SLC41A1: variants seen among roughly 807,000 people sequenced by gnomAD.
SLC41A1 encodes the protein solute carrier family 41 member 1, also known as solute carrier family 41 (magnesium transporter), member 1.
SLC41A1 carries 20 observed loss-of-function variants against 47.3 expected under a neutral mutation model. That is an observed-to-expected ratio of 0.42 (90% CI 0.30 to 0.61). The LOEUF (loss-of-function observed/expected upper bound fraction) is 0.61. SLC41A1 is among the 20% of genes least tolerant of loss of function. The probability of loss-of-function intolerance (pLI) is 0.17; values close to 1 mark genes in which losing one functional copy is unlikely to be tolerated. For missense variants in SLC41A1, 504 were observed against 674.1 expected, an observed-to-expected ratio of 0.75 and a Z score of 2.79; for synonymous variants, 282 against 272.7, an observed-to-expected ratio of 1.03 and a Z score of -0.34.
rs371742557 is a variant in SLC41A1, at chr1:205,808,684, G to C, written c.372+1386C>G. Among the ~76,000 whole-genome samples, 59 of 152,338 alleles carry C rather than the reference G, an allele frequency of 3.9e-4. 1 individual carries two copies. In the South Asian group the frequency reaches 0.012, roughly 31 times the overall value. On this transcript the variant is annotated intron_variant, in intron 2 of 10. Coordinates refer to ENST00000367137, the MANE Select transcript of SLC41A1 (RefSeq NM_173854.6). Reference sequence around the variant, plus strand: ...GGGGGAGGAGCAGCCCCTAGCAGGAGGAACCCAAAGCTCCAGGCTGGCTTC... The same window carrying C: ...GGGGGAGGAGCAGCCCCTAGCAGGACGAACCCAAAGCTCCAGGCTGGCTTC...
At chr1:205,801,249 C>A (rs1172567526) in intron 2 of SLC41A1, 189 bp from the exon 3 acceptor site, 5 of 575,416 alleles carry the variant, frequency 8.7e-6, no homozygotes, top group East Asian at 3.1e-5. Flanking sequence ...ACACAACCCC[C>A]CTTCCTGCCA....
At chr1:205,800,593 G>A (rs1655856555) in intron 3 of SLC41A1, among the ~76,000 whole-genome samples, 1 of 152,208 alleles carries the variant, frequency 6.6e-6, no homozygotes, top group Admixed American at 6.5e-5. Context: ...AGCAGGGGCT[G>A]GAGATCAGAG....
Position 205,808,433 on chromosome 1 carries a change from G to A in SLC41A1, c.372+1637C>T, listed in dbSNP as rs140121321. 1.7e-3 allele frequency among the ~76,000 whole-genome samples: 256 copies of A among 152,236 alleles called. 2 individuals carry two copies. The highest frequency in any genetic ancestry group is 5.5e-3 in the African/African-American group (228 of 41,544). Reference sequence around the variant, plus strand: ...GATCCTACCTCATGGGCCTACCGAAGAGCCCCCCAAATGCTTCCCCACTAC... The same window carrying A: ...GATCCTACCTCATGGGCCTACCGAAAAGCCCCCCAAATGCTTCCCCACTAC... On this transcript the variant is annotated intron_variant, in intron 2 of 10. Coordinates refer to ENST00000367137, the MANE Select transcript of SLC41A1 (RefSeq NM_173854.6).
intron 2 of SLC41A1, among the ~76,000 whole-genome samples, chr1:205,807,081 GAA>G (rs1205862226): frequency 6.6e-6 from 1 of 151,928 alleles, no homozygotes; most frequent in Non-Finnish European, 1.5e-5. Flanking sequence ...TTCTCTTACT[GAA>G]GTCCATCTTA....
At chr1:205,792,964 T>A (rs905227357) in intron 10 of SLC41A1, among the ~76,000 whole-genome samples, 7 of 151,846 alleles carry the variant, frequency 4.6e-5, no homozygotes, top group African/African-American at 1.2e-4. Context: ...AATTTTAGGC[T>A]CTGCCTGAGA....
chr1:205,812,977 C>A lies in SLC41A1; in HGVS notation c.-816G>T. 1.7e-5 allele frequency: 17 copies of A among 986,036 alleles called. No individual in the cohort carries two copies. The highest frequency in any genetic ancestry group is 2.0e-5 in the Non-Finnish European group (17 of 830,416). 61.1% of individuals were successfully genotyped at this position (986,036 alleles called of 1,614,324 possible). On this transcript the variant is annotated 5_prime_UTR_variant, in exon 1 of 11. Coordinates refer to ENST00000367137, the MANE Select transcript of SLC41A1 (RefSeq NM_173854.6). ...CAAGGCGAGCGTCCAGCCGCGACAC[C>A]CGGCTCGCTACATTTCGCTTCTGCG...
chr1:205,797,080 G>A (rs1655767921), intron 7 of SLC41A1, 77 bp from the exon 8 acceptor site: 3 of 1,295,432 alleles, frequency 2.3e-6, no homozygotes, highest in South Asian at 2.5e-5. Flanking sequence ...AGAGGTCCAG[G>A]CCCACCTATC....
intron 9 of SLC41A1, 37 bp downstream of exon 9, chr1:205,795,307 T>A (rs368429091): frequency 2.5e-5 from 40 of 1,613,522 alleles, no homozygotes; most frequent in Non-Finnish European, 3.2e-5. Context: ...GTAGGCCCAC[T>A]CCCCCCAGGG....
rs1300060359 is a variant in SLC41A1, at chr1:205,791,611, C to G, written c.1464G>C (p.Leu488=). 1 of 1,614,162 alleles carries G rather than the reference C, an allele frequency of 6.2e-7. No homozygotes were observed. The highest frequency in any genetic ancestry group is 8.5e-7 in the Non-Finnish European group (1 of 1,180,028). Residue 488 remains leucine, a synonymous_variant, in exon 11 of 11, where the codon CTG becomes CTC. Transcript: ENST00000367137. The surrounding 1 kb of genome is among the most constrained non-coding windows in gnomAD (Gnocchi z 4.0). ...SIPYLTALGD[L]LGTGLLALSF... ...TGAGTGCTAGGAGCCCAGTGCCAAG[C>G]AGGTCCCCCAGAGCAGTCAAGTATG...
At chr1:205,796,647 T>C (rs946259008) in intron 8 of SLC41A1, 22 of 522,504 alleles carry the variant, frequency 4.2e-5, no homozygotes, top group African/African-American at 3.6e-4. Context: ...TATTCTGTTC[T>C]AGCAACAGAT....
Position 205,791,384 on chromosome 1 carries a change from A to G in SLC41A1, c.*149T>C. 9.6e-7 allele frequency: 1 copy of G among 1,037,268 alleles called. No homozygotes were observed. The highest frequency in any genetic ancestry group is 1.5e-6 in the Non-Finnish European group (1 of 687,222). 64.3% of individuals were successfully genotyped at this position (1,037,268 alleles called of 1,614,324 possible). On this transcript the variant is annotated 3_prime_UTR_variant, in exon 11 of 11. Transcript: ENST00000367137. This position sits in a 1 kb window ranked among gnomAD's most constrained non-coding sequence, Gnocchi z 4.0. ...GCTATACAAACTTGGCTCAATGTATAAAAATTCCCATTGAAAATAATGAGA... is the reference window on the plus strand; with the variant it reads ...GCTATACAAACTTGGCTCAATGTATGAAAATTCCCATTGAAAATAATGAGA...
chr1:205,810,304 C>G lies in SLC41A1; in HGVS notation c.138G>C (p.Gly46=). 6.2e-7 allele frequency: 1 copy of G among 1,614,208 alleles called. No individual in the cohort carries two copies. The highest frequency in any genetic ancestry group is 8.5e-7 in the Non-Finnish European group (1 of 1,180,046). Residue 46 remains glycine (G), a synonymous_variant, in exon 2 of 11, where the codon GGG becomes GGC. Coordinates refer to ENST00000367137, the MANE Select transcript of SLC41A1 (RefSeq NM_173854.6). This position sits in a 1 kb window ranked among gnomAD's most constrained non-coding sequence, Gnocchi z 5.5. ...CCCGAGACTCAATCACCACCTCTAC[C>G]CCAGCCCCATCAGGCCCCAGGAACT... ...TSEFLGPDGA[G]VEVVIESRAN... is the part of the protein sequence containing the mutation.
intron 2 of SLC41A1, among the ~76,000 whole-genome samples, chr1:205,802,875 A>T (rs1655922783): frequency 6.6e-6 from 1 of 152,078 alleles, no homozygotes; most frequent in Admixed American, 6.6e-5. Flanking sequence ...GTTAGCAAGG[A>T]TGTAGAGTTT....
chr1:205,812,969 C>T lies in SLC41A1; in HGVS notation c.-808G>A. 1.0e-6 allele frequency: 1 copy of T among 986,026 alleles called. No individual in the cohort carries two copies. The highest frequency in any genetic ancestry group is 1.2e-6 in the Non-Finnish European group (1 of 830,408). The allele number at this position is 986,026 out of a possible 1,614,324, so 61.1% of individuals were successfully genotyped here. On this transcript the variant is annotated 5_prime_UTR_variant, in exon 1 of 11. Transcript: ENST00000367137. ...CCCCCAGCCAAGGCGAGCGTCCAGC[C>T]GCGACACCCGGCTCGCTACATTTCG...
intron 2 of SLC41A1, among the ~76,000 whole-genome samples, chr1:205,803,887 T>A (rs2102507771): frequency 6.6e-6 from 1 of 152,140 alleles, no homozygotes; most frequent in Non-Finnish European, 1.5e-5. Context: ...TCCCAAAGTG[T>A]GGGGACTACA....
intron 1 of SLC41A1, among the ~76,000 whole-genome samples, chr1:205,812,097 G>C (rs1417358735): frequency 6.6e-6 from 1 of 152,150 alleles, no homozygotes; most frequent in Non-Finnish European, 1.5e-5. Context: ...CCACTTCTCT[G>C]CCTAAAGGAA....
Position 205,791,785 on chromosome 1 carries a change from A to G in SLC41A1, c.1357-67T>C. On this transcript the variant is annotated intron_variant, in intron 10 of 10. Coordinates refer to ENST00000367137, the MANE Select transcript of SLC41A1 (RefSeq NM_173854.6). The surrounding 1 kb of genome is among the most constrained non-coding windows in gnomAD (Gnocchi z 4.0). ...TCCAGGGGGAGCCAGAGGCCACATG[A>G]TCAGACCCATTCAGTGCATCACAGG... 2 of 1,580,868 alleles carry G rather than the reference A, an allele frequency of 1.3e-6. No homozygotes were observed. The highest frequency in any genetic ancestry group is 4.6e-5 in the East Asian group (2 of 43,286).
chr1:205,791,551 G>A lies in SLC41A1; in HGVS notation c.1524C>T (p.Asp508=), dbSNP rs374285355. Residue 508 remains aspartate (D), a synonymous_variant, in exon 11 of 11, where the codon GAC becomes GAT. Coordinates refer to ENST00000367137, the MANE Select transcript of SLC41A1 (RefSeq NM_173854.6). The surrounding 1 kb of genome is among the most constrained non-coding windows in gnomAD (Gnocchi z 4.0). ...GACCAAGCTAGTCCCCGACATCCGT[G>A]TCTCGGTCCCCTATGAGCCAGAGAA... The part of the protein sequence containing the change: ...FHVLWLIGDR[D]TDVGD 1.9e-6 allele frequency: 3 copies of A among 1,614,170 alleles called. No individual in the cohort carries two copies.
intron 2 of SLC41A1, among the ~76,000 whole-genome samples, chr1:205,809,237 T>G (rs986276661): frequency 5.9e-5 from 9 of 152,206 alleles, no homozygotes; most frequent in Non-Finnish European, 1.2e-4. Context: ...ACCTGGAGGT[T>G]CTTCATAAGT....
Sources: allele counts gnomAD v4.1 joint callset (sites outside exome capture counted in the v4.1 genomes callset), GRCh38; gene constraint gnomAD v4.1.1; non-coding constraint Gnocchi (gnomAD v3.1); transcripts MANE v1.5; gene names NCBI Gene and HGNC (gene_info 2026-07-23, HGNC 2026-07-21).